The following ERBB4 variants were observed in gnomAD, a reference collection of about 807,000 sequenced individuals.
ERBB4 encodes erb-b2 receptor tyrosine kinase 4, also known as receptor tyrosine-protein kinase erbB-4.
Under a neutral mutation model 158.0 loss-of-function variants are expected in ERBB4, and 42 were observed. The observed-to-expected ratio is 0.27, with a 90% CI of 0.21 to 0.34. ERBB4 has a LOEUF of 0.34. Among genes scored for constraint, ERBB4 ranks in the 10% least tolerant of loss-of-function variants. The pLI, the probability that ERBB4 is intolerant of heterozygous loss-of-function variation, is 1.00. For missense variants in ERBB4, 1,333 were observed against 1,624.1 expected (o/e 0.82, Z 3.08); for synonymous variants, 583 against 558.7 (o/e 1.04, Z -0.61).
intron 20 of ERBB4, among the ~76,000 whole-genome samples, chr2:211,544,946 C>G (rs2066903804): frequency 6.6e-6 from 1 of 151,980 alleles, no homozygotes; most frequent in Non-Finnish European, 1.5e-5. Context: ...TCCACAGAAG[C>G]CCCAATCACA....
At chr2:212,205,994 G>C (rs2082734305) in intron 1 of ERBB4, among the ~76,000 whole-genome samples, 1 of 152,142 alleles carries the variant, frequency 6.6e-6, no homozygotes, top group Admixed American at 6.5e-5. Flanking sequence ...CCTCTTGTGA[G>C]TCCTTATAAT....
intron 25 of ERBB4, among the ~76,000 whole-genome samples, chr2:211,397,678 G>A (rs2062949119): frequency 6.6e-6 from 1 of 152,132 alleles, no homozygotes; most frequent in African/African-American, 2.4e-5. Flanking sequence ...TGATTTTGCA[G>A]TTTCAGGCCC....
At chr2:211,683,210 A>G (rs6435654) in intron 12 of ERBB4, among the ~76,000 whole-genome samples, 77,448 of 151,852 alleles carry the variant, frequency 0.51, 20,317 homozygotes, top group Middle Eastern at 0.63. Context: ...TAAGATCTTA[A>G]AAAGTTTATA....
intron 3 of ERBB4, among the ~76,000 whole-genome samples, chr2:211,837,812 T>A (rs1303296246): frequency 2.0e-5 from 3 of 152,148 alleles, no homozygotes; most frequent in African/African-American, 7.2e-5. Context: ...TAATATATTA[T>A]GTTCCAGGTA....
intron 1 of ERBB4, among the ~76,000 whole-genome samples, chr2:212,531,398 T>C (rs938897881): frequency 6.6e-6 from 1 of 152,134 alleles, no homozygotes; most frequent in Non-Finnish European, 1.5e-5. Context: ...AGAAATAAAT[T>C]TATAGTCAGT....
intron 19 of ERBB4, among the ~76,000 whole-genome samples, chr2:211,594,455 A>T (rs985915364): frequency 6.9e-6 from 1 of 145,050 alleles, no homozygotes; most frequent in Non-Finnish European, 1.5e-5. Context: ...AATAACAAAT[A>T]AAAAAAAAAA....
intron 3 of ERBB4, among the ~76,000 whole-genome samples, chr2:211,853,784 C>A (rs543255227): frequency 6.6e-6 from 1 of 151,926 alleles, no homozygotes; most frequent in East Asian, 1.9e-4. Flanking sequence ...GACAATAATC[C>A]AATTAGTTAC....
intron 2 of ERBB4, among the ~76,000 whole-genome samples, chr2:212,015,209 T>G (rs1175058236): frequency 6.8e-6 from 1 of 147,686 alleles, no homozygotes. Context: ...GAGCTTGCAG[T>G]GAGCCAAGAT....
intron 3 of ERBB4, among the ~76,000 whole-genome samples, chr2:211,797,715 G>T (rs1169700070): frequency 6.6e-6 from 1 of 151,698 alleles, no homozygotes; most frequent in Non-Finnish European, 1.5e-5. Context: ...AACACATAAA[G>T]ACAACACTTT....
intron 16 of ERBB4, among the ~76,000 whole-genome samples, chr2:211,643,672 C>T (rs540246850): frequency 3.6e-4 from 55 of 152,166 alleles, no homozygotes; most frequent in African/African-American, 1.2e-3. Context: ...GCTTCTATTA[C>T]ATCTGCTTCA....
At chr2:211,941,691 A>G (rs2080501781) in intron 3 of ERBB4, among the ~76,000 whole-genome samples, 1 of 150,804 alleles carries the variant, frequency 6.6e-6, no homozygotes, top group South Asian at 2.1e-4. Context: ...CAAAGTAGTT[A>G]GAAGACACAC....
chr2:212,191,555 T>G (rs2082201999), intron 1 of ERBB4, among the ~76,000 whole-genome samples: 1 of 147,656 alleles, frequency 6.8e-6, no homozygotes, highest in Non-Finnish European at 1.5e-5. Context: ...GTGTTATGCC[T>G]GTTATATATA....
At chr2:211,590,026 T>C (rs747019321) in intron 19 of ERBB4, among the ~76,000 whole-genome samples, 1 of 152,190 alleles carries the variant, frequency 6.6e-6, no homozygotes, top group Non-Finnish European at 1.5e-5. Flanking sequence ...TTTATTCTGT[T>C]TCTAGAAAAA....
rs75225808 is a variant in ERBB4, at chr2:211,912,497, T to A, written c.421+34933A>T. On this transcript the variant is annotated intron_variant, in intron 3 of 27. Transcript: ENST00000342788. ...CTTTGTACCTCATACTTTTATACAA[T>A]TATAAATTGTCAACTTACAATAAAA... Among the ~76,000 whole-genome samples, 520 of 152,236 alleles carry A rather than the reference T, an allele frequency of 3.4e-3. 4 individuals are homozygous for A. Among genetic ancestry groups the A allele is most frequent in the African/African-American group, 0.012 (498 of 41,544 alleles).
rs147196400 is a variant in ERBB4 at position 212,207,591 on chromosome 2, G to A, written c.83-82688C>T. Among the ~76,000 whole-genome samples, 679 of 152,168 alleles carry A rather than the reference G, an allele frequency of 4.5e-3. 2 individuals carry two copies. Among genetic ancestry groups the A allele is most frequent in the African/African-American group, 0.015 (613 of 41,512 alleles). On this transcript the variant is annotated intron_variant, in intron 1 of 27. Coordinates refer to ENST00000342788, the MANE Select transcript of ERBB4 (RefSeq NM_005235.3). ...TATAATATATCAAGAACAAGTATAA[G>A]CAGTGAAAATTTGTTAGGGTTTTTT...
chr2:211,678,866 C>A (rs953784919), intron 13 of ERBB4, among the ~76,000 whole-genome samples, 186 bp downstream of exon 13: 3 of 145,700 alleles, frequency 2.1e-5, no homozygotes, highest in Non-Finnish European at 4.5e-5. Context: ...ACTTGGGAGG[C>A]CAAGGCAGGA....
Position 212,255,256 on chromosome 2 carries a change from A to G in ERBB4, c.83-130353T>C, listed in dbSNP as rs535088642. Among the ~76,000 whole-genome samples the G allele has an allele frequency of 6.2e-4, 94 of 152,316 alleles. 2 individuals carry two copies. In the South Asian group the frequency reaches 0.019, roughly 32 times the overall value. Reference sequence around the variant, plus strand: ...CACTATAGCAATTTTTTAAAATTTGAAAAATATATGTGTGTATATATGAAA... The same window carrying G: ...CACTATAGCAATTTTTTAAAATTTGGAAAATATATGTGTGTATATATGAAA... On this transcript the variant is annotated intron_variant, in intron 1 of 27. Coordinates refer to ENST00000342788, the MANE Select transcript of ERBB4 (RefSeq NM_005235.3).
chr2:211,468,373 C>T (rs1362173070), intron 20 of ERBB4, among the ~76,000 whole-genome samples: 2 of 152,076 alleles, frequency 1.3e-5, no homozygotes, highest in Admixed American at 6.6e-5. Flanking sequence ...AGGGAAATAG[C>T]ACAGCAAGGA....
At chr2:212,060,162 A>G (rs1054920869) in intron 2 of ERBB4, among the ~76,000 whole-genome samples, 8 of 152,224 alleles carry the variant, frequency 5.3e-5, no homozygotes, top group African/African-American at 1.9e-4. Flanking sequence ...ATGAACAGAC[A>G]CTTCTCAAAA....
Sources: gnomAD v4.1 joint callset for allele counts (sites outside exome capture counted in the v4.1 genomes callset) on GRCh38, gnomAD v4.1.1 for gene constraint, MANE v1.5 for transcripts, NCBI Gene and HGNC (gene_info 2026-07-23, HGNC 2026-07-21) for gene names.